Variants in WWOX observed in about 807,000 individuals in gnomAD.
WWOX encodes the protein WW domain containing oxidoreductase.
In WWOX, 69 loss-of-function variants were observed where a neutral mutation model predicts 46.2. The ratio of observed to expected loss-of-function variants is 1.49; its 90% confidence interval spans 1.23 to 1.82. The LOEUF (loss-of-function observed/expected upper bound fraction) is 1.82, where lower values mean the gene tolerates loss of function less well. WWOX is among the 40% of genes most tolerant of loss of function. WWOX has a pLI of 0.00. For missense variants in WWOX, 919 were observed against 542.6 expected (o/e 1.69, Z -6.89); for synonymous variants, 359 against 202.6 (o/e 1.77, Z -6.56).
chr16:78,313,555 G>A (rs1052771833), intron 5 of WWOX, among the ~76,000 whole-genome samples: 4 of 152,068 alleles, frequency 2.6e-5, no homozygotes, highest in East Asian at 3.9e-4. Flanking sequence ...TAGTAGAGAC[G>A]GGGTTTCTCC....
At chr16:78,494,000 A>G (rs1410428458) in intron 8 of WWOX, among the ~76,000 whole-genome samples, 2 of 152,196 alleles carry the variant, frequency 1.3e-5, no homozygotes, top group African/African-American at 4.8e-5. Flanking sequence ...TGGGAAATTT[A>G]TAAAGAAGGG....
At chr16:78,943,713 C>A (rs969196017) in intron 8 of WWOX, among the ~76,000 whole-genome samples, 2 of 152,142 alleles carry the variant, frequency 1.3e-5, no homozygotes, top group Non-Finnish European at 2.9e-5. Context: ...AGGGATGGGA[C>A]CAGCAGTAAA....
chr16:78,704,665 G>A (rs1290344797), intron 8 of WWOX, among the ~76,000 whole-genome samples: 1 of 152,156 alleles, frequency 6.6e-6, no homozygotes, highest in Non-Finnish European at 1.5e-5. Context: ...TCTTTACTGT[G>A]AAAATGATTA....
intron 8 of WWOX, among the ~76,000 whole-genome samples, chr16:79,186,385 G>T (rs1007655168): frequency 6.6e-6 from 1 of 152,184 alleles, no homozygotes; most frequent in Non-Finnish European, 1.5e-5. Flanking sequence ...CGGTGGTTCA[G>T]TGGCAACGCT....
At chr16:78,594,614 T>C (rs957740089) in intron 8 of WWOX, among the ~76,000 whole-genome samples, 10 of 152,146 alleles carry the variant, frequency 6.6e-5, no homozygotes, top group East Asian at 1.9e-4. Flanking sequence ...CCTGGTTGTT[T>C]CCAGAAAGGG....
chr16:78,420,132 C>G (rs2082887873), intron 6 of WWOX, among the ~76,000 whole-genome samples: 1 of 152,066 alleles, frequency 6.6e-6, no homozygotes, highest in African/African-American at 2.4e-5. Flanking sequence ...CTTACAAACA[C>G]ATGGAGAGAT....
intron 8 of WWOX, among the ~76,000 whole-genome samples, chr16:78,479,895 C>A (rs1386223124): frequency 1.3e-5 from 2 of 152,166 alleles, no homozygotes; most frequent in East Asian, 3.9e-4. Context: ...GTTCACTGCC[C>A]CCTCCTGGGA....
intron 8 of WWOX, among the ~76,000 whole-genome samples, chr16:78,771,969 G>A (rs1196749216): frequency 6.6e-6 from 1 of 152,064 alleles, no homozygotes; most frequent in Non-Finnish European, 1.5e-5. Context: ...TTCCCTCTCA[G>A]TGTATTTTAC....
chr16:78,154,345 C>T (rs754350731), intron 4 of WWOX, among the ~76,000 whole-genome samples: 11 of 152,092 alleles, frequency 7.2e-5, no homozygotes, highest in Non-Finnish European at 1.5e-4. Flanking sequence ...AATAATAACT[C>T]ATAGTGTTTA....
chr16:79,116,671 C>T (rs2049522127), intron 8 of WWOX, among the ~76,000 whole-genome samples: 1 of 152,102 alleles, frequency 6.6e-6, no homozygotes, highest in African/African-American at 2.4e-5. Flanking sequence ...AGACTTACTT[C>T]CTCCACTAAC....
intron 8 of WWOX, among the ~76,000 whole-genome samples, chr16:78,533,556 G>A (rs1256457433): frequency 6.6e-6 from 1 of 152,190 alleles, no homozygotes; most frequent in East Asian, 1.9e-4. Flanking sequence ...TTCTTCAAGA[G>A]GGGCTTGAGC....
At chr16:78,591,469 C>T (rs1209848625) in intron 8 of WWOX, among the ~76,000 whole-genome samples, 2 of 152,212 alleles carry the variant, frequency 1.3e-5, no homozygotes, top group African/African-American at 4.8e-5. Context: ...CCCCTCTTCC[C>T]TCTCATGTAT....
At chr16:79,101,663 G>C (rs546034440) in intron 8 of WWOX, 4 of 150,426 alleles carry the variant, frequency 2.7e-5, no homozygotes, top group African/African-American at 7.4e-5. Flanking sequence ...TCCAGAAGAC[G>C]CAACAGACAG....
intron 4 of WWOX, among the ~76,000 whole-genome samples, chr16:78,156,625 G>C: frequency 6.6e-6 from 1 of 152,126 alleles, no homozygotes; most frequent in East Asian, 1.9e-4. Flanking sequence ...CTGAGAAACT[G>C]GATAAATAAA....
chr16:78,276,709 A>C (rs2079585290), intron 5 of WWOX, among the ~76,000 whole-genome samples: 1 of 152,172 alleles, frequency 6.6e-6, no homozygotes, highest in South Asian at 2.1e-4. Context: ...AAGATTGTAA[A>C]ATTTTAGCCC....
chr16:78,265,295 A>G (rs917913926), intron 5 of WWOX, among the ~76,000 whole-genome samples: 5 of 151,996 alleles, frequency 3.3e-5, no homozygotes, highest in Non-Finnish European at 5.9e-5. Flanking sequence ...TCACCCAGCC[A>G]AGAAATTAAT....
chr16:79,001,847 G>A (rs10492905), intron 8 of WWOX, among the ~76,000 whole-genome samples: 93,146 of 151,948 alleles, frequency 0.61, 29,693 homozygotes, highest in East Asian at 0.72. Context: ...CTGCAGTGGT[G>A]TCGCTTTAGA....
intron 8 of WWOX, among the ~76,000 whole-genome samples, chr16:78,975,757 C>T (rs756160648): frequency 1.3e-5 from 2 of 152,112 alleles, no homozygotes; most frequent in Non-Finnish European, 2.9e-5. Context: ...TTTGGGCAAG[C>T]GGAGGTCATG....
At chr16:78,422,847 AC>A in intron 6 of WWOX, among the ~76,000 whole-genome samples, 1 of 13,088 alleles carries the variant, frequency 7.6e-5, no homozygotes, top group Admixed American at 1.5e-3. Flanking sequence ...ATACATATAC[AC>A]ACACACACAC....
Sources: allele counts gnomAD v4.1 joint callset (sites outside exome capture counted in the v4.1 genomes callset), GRCh38; gene constraint gnomAD v4.1.1; transcripts MANE v1.5; gene names NCBI Gene and HGNC (gene_info 2026-07-23, HGNC 2026-07-21).